Variants in ATG13 observed in about 807,000 individuals in gnomAD.
The protein encoded by ATG13 is autophagy-related protein 13.
ATG13 carries 23 observed loss-of-function variants against 65.5 expected under a neutral mutation model. The observed-to-expected ratio is 0.35, with a 90% CI of 0.25 to 0.50. The LOEUF is 0.50. Among genes scored for constraint, ATG13 ranks in the 20% least tolerant of loss-of-function variants. ATG13 has a pLI of 0.98. For missense variants in ATG13, 566 were observed against 677.0 expected, an observed-to-expected ratio of 0.84 and a Z score of 1.82; for synonymous variants, 252 against 245.2, an observed-to-expected ratio of 1.03 and a Z score of -0.26.
At chr11:46,625,267 TTC>T (rs1469728632) in intron 1 of ATG13, 1 of 145,578 alleles carries the variant, frequency 6.9e-6, no homozygotes, top group East Asian at 1.9e-4. Context: ...AGCTTGCTCT[TTC>T]TTTTTTTTTT....
chr11:46,647,937 T>C (rs2058058027), intron 5 of ATG13, among the ~76,000 whole-genome samples: 1 of 152,120 alleles, frequency 6.6e-6, no homozygotes, highest in Non-Finnish European at 1.5e-5. Context: ...AAAAATGTTT[T>C]TGCTTGCCTT....
intron 3 of ATG13, 102 bp from the exon 4 acceptor site, chr11:46,645,237 T>C: frequency 1.0e-6 from 1 of 963,896 alleles, no homozygotes; most frequent in Non-Finnish European, 1.5e-6. Flanking sequence ...ATTGGCATCT[T>C]TTAAACTCTG....
rs543541354 is a variant in ATG13, at chr11:46,665,062, A to G, written c.999+103A>G. On this transcript the variant is annotated intron_variant, in intron 13 of 18. Coordinates refer to ENST00000683050, the MANE Select transcript of ATG13 (RefSeq NM_001346311.2). ...GGCAGAGGGATATGTTCTAAGTGCT[A>G]TATTCTGAAGCAAAACTCTTTCGTG... 1.3e-4 allele frequency: 151 copies of G among 1,179,442 alleles called. No homozygotes were observed. The African/African-American group carries it at 1.9e-3, about 15-fold the overall frequency. 73.1% of individuals were successfully genotyped at this position (1,179,442 alleles called of 1,614,324 possible).
chr11:46,648,107 C>A (rs563160646), intron 5 of ATG13, among the ~76,000 whole-genome samples: 1 of 150,722 alleles, frequency 6.6e-6, no homozygotes, highest in South Asian at 2.1e-4. Context: ...ACCCCACCCC[C>A]CCCAGCACTT....
At chr11:46,647,240 G>A (rs1298494732) in intron 5 of ATG13, among the ~76,000 whole-genome samples, 1 of 151,130 alleles carries the variant, frequency 6.6e-6, no homozygotes, top group Non-Finnish European at 1.5e-5. Context: ...TGACTTGCTG[G>A]GTGGTGGTGG....
chr11:46,664,059 G>GAGGGTC lies in ATG13; in HGVS notation c.853_858dup (p.Arg285_Val286dup). Reference sequence around the variant, plus strand: ...CTACTCCTGTGGTGACGGACACCCTGAGGGTCCCCATGGCAGGACTGGCCT... The same window carrying GAGGGTC: ...CTACTCCTGTGGTGACGGACACCCTGAGGGTCAGGGTCCCCATGGCAGGACTGGCCT... On this transcript the variant is annotated inframe_insertion, in exon 12 of 19. Coordinates refer to ENST00000683050, the MANE Select transcript of ATG13 (RefSeq NM_001346311.2). 2 of 1,597,240 alleles carry GAGGGTC rather than the reference G, an allele frequency of 1.3e-6. No homozygotes were observed. Among genetic ancestry groups the GAGGGTC allele is most frequent in the Non-Finnish European group, 1.7e-6 (2 of 1,179,648 alleles).
In ATG13 at chr11:46,626,973, G is replaced by A. The variant is rs151307023; in HGVS notation, c.-69-3072G>A. On this transcript the variant is annotated intron_variant, in intron 1 of 18. Transcript: ENST00000683050. ...TAGTTTAAGAAATAAGGTCGGGTGC[G>A]GTAATCCTGTAATCCCAGCACTGTG... 5.9e-5 allele frequency among the ~76,000 whole-genome samples: 9 copies of A among 152,256 alleles called. No homozygotes were observed. The South Asian group carries it at 6.2e-4, about 11-fold the overall frequency.
At chr11:46,661,370 T>C (rs1325104251) in intron 11 of ATG13, among the ~76,000 whole-genome samples, 2 of 150,096 alleles carry the variant, frequency 1.3e-5, no homozygotes, top group African/African-American at 4.9e-5. Flanking sequence ...TACAAAAAAT[T>C]AGCTGGGCCT....
Position 46,669,408 on chromosome 11 carries a change from C to T in ATG13, c.1451C>T (p.Pro484Leu). ...HDDFVMIDFK[P>L]AFSKDDILPM... ...GACTCTGTCTTGTTTTTGAAGAAAC[C>T]AGCTTTTTCTAAAGATGACATTCTT... The change falls in exon 18 of 19, where the codon CCA (proline) becomes CTA (leucine). Residue 484 changes from proline to leucine, a missense_variant. This residue lies in a region of ATG13 where 387 missense variants were observed against 409.8 expected (regional missense o/e 0.94). Coordinates refer to ENST00000683050, the MANE Select transcript of ATG13 (RefSeq NM_001346311.2). 6.2e-7 allele frequency: 1 copy of T among 1,613,934 alleles called. No homozygotes were observed. The highest frequency in any genetic ancestry group is 8.5e-7 in the Non-Finnish European group (1 of 1,179,926).
In ATG13 at chr11:46,668,842, C is replaced by T. The variant is rs1288290199; in HGVS notation, c.1378C>T (p.Leu460=). 2 of 1,613,924 alleles carry T rather than the reference C, an allele frequency of 1.2e-6. No homozygotes were observed. The highest frequency in any genetic ancestry group is 1.7e-6 in the Non-Finnish European group (2 of 1,180,040). ...PETESPLQGS[L]HSDGSSGGSS... The stretch of plus-strand genomic sequence containing the variant: ...GACTGAATCTCCTCTCCAGGGCAGC[C>T]TGCACTCAGATGGCTCCAGCGGGGG... The change falls in exon 17 of 19, where the codon CTG becomes TTG. Residue 460 remains leucine, a synonymous_variant. Transcript: ENST00000683050.
intron 4 of ATG13, 62 bp from the exon 5 acceptor site, chr11:46,645,808 T>G (rs2057375126): frequency 6.2e-7 from 1 of 1,604,608 alleles, no homozygotes; most frequent in Non-Finnish European, 8.5e-7. Context: ...CAGCATACAC[T>G]AATTTCTTTT....
chr11:46,632,046 C>G (rs2051972572), intron 2 of ATG13, among the ~76,000 whole-genome samples: 1 of 152,104 alleles, frequency 6.6e-6, no homozygotes, highest in African/African-American at 2.4e-5. Flanking sequence ...TTTTATTACT[C>G]AACTGTCTTA....
chr11:46,655,682 A>G (rs906230562), intron 7 of ATG13, among the ~76,000 whole-genome samples: 5 of 152,252 alleles, frequency 3.3e-5, no homozygotes, highest in Non-Finnish European at 4.4e-5. Context: ...ATTTTAAAAT[A>G]CATTTTAGTA....
intron 1 of ATG13, among the ~76,000 whole-genome samples, chr11:46,622,605 C>G (rs1400536120): frequency 6.6e-6 from 1 of 152,102 alleles, no homozygotes; most frequent in Non-Finnish European, 1.5e-5. Context: ...AAACTGCTGA[C>G]TACTGAAGGG....
chr11:46,636,752 G>A (rs1472458971), intron 2 of ATG13, among the ~76,000 whole-genome samples: 1 of 151,682 alleles, frequency 6.6e-6, no homozygotes, highest in Non-Finnish European at 1.5e-5. Flanking sequence ...CTGCCACGCT[G>A]GGCCTATGTG....
Position 46,655,563 on chromosome 11 carries a change from G to T in ATG13, c.459-670G>T, listed in dbSNP as rs577670784. Among the ~76,000 whole-genome samples, 12 of 152,300 alleles carry T rather than the reference G, an allele frequency of 7.9e-5. No individual in the cohort carries two copies. The East Asian group carries it at 2.1e-3, about 27-fold the overall frequency. On this transcript the variant is annotated intron_variant, in intron 7 of 18. Transcript: ENST00000683050. ...CACTGCAGCCTGGGTGACAGAGCAA[G>T]ACTCCGTCTCAAACAAAACAAAACA...
chr11:46,650,226 T>C lies in ATG13; in HGVS notation c.367T>C (p.Leu123=), dbSNP rs1431739785. 1.2e-6 allele frequency: 2 copies of C among 1,614,158 alleles called. No homozygotes were observed. Among genetic ancestry groups the C allele is most frequent in the South Asian group, 1.1e-5 (1 of 91,084 alleles). ...VSYTVYNRLS[L]LLKSLLAITR... ...CTACACGGTGTACAACAGACTGTCA[T>C]TGCTGCTGAAGTCCCTTCTTGCTAT... Residue 123 remains leucine, a synonymous_variant, in exon 7 of 19, where the codon TTG becomes CTG. Transcript: ENST00000683050.
chr11:46,618,742 G>A (rs1485262046), intron 1 of ATG13, among the ~76,000 whole-genome samples: 2 of 151,806 alleles, frequency 1.3e-5, no homozygotes, highest in African/African-American at 4.8e-5. Flanking sequence ...GCTCAATTAT[G>A]AGGTTTTTTT....
At chr11:46,650,548 T>C (rs1296493299) in intron 7 of ATG13, among the ~76,000 whole-genome samples, 1 of 152,230 alleles carries the variant, frequency 6.6e-6, no homozygotes, top group Non-Finnish European at 1.5e-5. Flanking sequence ...TCCTGTGGAA[T>C]GGATGTTGAG....
Sources: gnomAD v4.1 joint callset for allele counts (sites outside exome capture counted in the v4.1 genomes callset) on GRCh38, gnomAD v4.1.1 for gene constraint, gnomAD v4.1.1 regional missense constraint, MANE v1.5 for transcripts, NCBI Gene and HGNC (gene_info 2026-07-23, HGNC 2026-07-21) for gene names.